The following LYST variants were observed in gnomAD, a reference collection of about 807,000 sequenced individuals.
LYST encodes the protein lysosomal trafficking regulator, also known as lysosomal-trafficking regulator.
Under a neutral mutation model 413.6 loss-of-function variants are expected in LYST, and 192 were observed. The observed-to-expected ratio is 0.46, with a 90% CI of 0.41 to 0.52. The LOEUF is 0.52. Ranked by LOEUF, LYST falls within the 20% of genes least tolerant of loss-of-function variation. The pLI is 0.00. For missense variants in LYST, 3,815 were observed against 4,499.9 expected, an observed-to-expected ratio of 0.85 and a Z score of 4.35; for synonymous variants, 1,525 against 1,567.3, an observed-to-expected ratio of 0.97 and a Z score of 0.64.
upstream of LYST, among the ~76,000 whole-genome samples, chr1:235,870,835 G>A (rs1054017994): frequency 2.6e-5 from 4 of 152,152 alleles, no homozygotes; most frequent in Admixed American, 1.3e-4. Flanking sequence ...AAATTTTGTT[G>A]AAAATTCAAA....
intron 44 of LYST, 142 bp from the exon 45 acceptor site, chr1:235,703,119 G>T (rs1661680369): frequency 3.0e-6 from 2 of 670,334 alleles, no homozygotes; most frequent in Admixed American, 2.3e-5. Flanking sequence ...AATCACTCAT[G>T]GTCTCACTGA....
intron 25 of LYST, 138 bp downstream of exon 25, chr1:235,755,340 G>C (rs1013327078): frequency 3.8e-6 from 3 of 796,846 alleles, no homozygotes; most frequent in Non-Finnish European, 6.3e-6. Context: ...AGTGAGCCGA[G>C]ATTGCACCAT....
At position 235,733,592 on chromosome 1, in the gene LYST, C is replaced by T. The variant is rs1411421644; in HGVS notation, c.8712G>A (p.Lys2904=). 1 of 1,613,746 alleles carries T rather than the reference C, an allele frequency of 6.2e-7. No homozygotes were observed. Among genetic ancestry groups the T allele is most frequent in the South Asian group, 1.1e-5 (1 of 91,072 alleles). The change falls in exon 34 of 53, where the codon AAG becomes AAA. Residue 2904 remains lysine (K), a synonymous_variant. Transcript: ENST00000389793. ...VSLSQGNERK[K]VIQHIRGMYK... ...ACATTCCTCTAATATGCTGGATCAC[C>T]TTTTTTCTCTCATTTCCTTGGGAGA... is the stretch of plus-strand genomic sequence containing the variant.
chr1:235,862,462 A>G (rs1679986091), intron 1 of LYST, among the ~76,000 whole-genome samples: 1 of 152,126 alleles, frequency 6.6e-6, no homozygotes, highest in Admixed American at 6.5e-5. Flanking sequence ...AGGATTCAGT[A>G]CTATCCACCA....
intron 1 of LYST, among the ~76,000 whole-genome samples, chr1:235,881,658 CAT>C (rs761007324): frequency 1.4e-4 from 22 of 151,926 alleles, no homozygotes; most frequent in African/African-American, 4.8e-4. Context: ...CACGTACATA[CAT>C]ATATATATGC....
chr1:235,859,437 A>C (rs1175588711), intron 1 of LYST, among the ~76,000 whole-genome samples: 1 of 152,068 alleles, frequency 6.6e-6, no homozygotes, highest in Non-Finnish European at 1.5e-5. Flanking sequence ...TATTTGAAAG[A>C]ATATATTTAC....
At chr1:235,741,754 A>T in intron 30 of LYST, 126 bp from the exon 31 acceptor site, 1 of 738,310 alleles carries the variant, frequency 1.4e-6, no homozygotes, top group Non-Finnish European at 2.4e-6. Context: ...AATAGTCAAA[A>T]TTAGAAAGAG....
chr1:235,734,039 TTAAAA>T (rs2103223020), intron 32 of LYST, 133 bp from the exon 33 acceptor site: 1 of 544,008 alleles, frequency 1.8e-6, no homozygotes, highest in East Asian at 3.1e-5. Context: ...GACCAGAATA[TTAAAA>T]TAAATGAACC....
chr1:235,859,035 C>T (rs1221662512), intron 1 of LYST, among the ~76,000 whole-genome samples: 1 of 152,176 alleles, frequency 6.6e-6, no homozygotes, highest in Non-Finnish European at 1.5e-5. Flanking sequence ...TTATTTTCCC[C>T]TCAAGCATAC....
intron 22 of LYST, 40 bp downstream of exon 22, chr1:235,762,680 T>C (rs777304610): frequency 1.7e-5 from 27 of 1,593,174 alleles, no homozygotes; most frequent in Non-Finnish European, 2.3e-5. Context: ...TATTCAGAAC[T>C]AAAATGAGAA....
chr1:235,722,661 T>A (rs1663487932), intron 39 of LYST, among the ~76,000 whole-genome samples: 1 of 152,180 alleles, frequency 6.6e-6, no homozygotes, highest in Non-Finnish European at 1.5e-5. Context: ...AATTTTTGTA[T>A]TTTTAGTAGA....
At chr1:235,769,601 A>G (rs77411322) in intron 20 of LYST, among the ~76,000 whole-genome samples, 6,069 of 152,144 alleles carry the variant, frequency 0.04, 417 homozygotes, top group African/African-American at 0.14. Context: ...GATATTTATC[A>G]ATGCCTTTTA....
chr1:235,671,796 G>C (rs1393780363), intron 50 of LYST, among the ~76,000 whole-genome samples: 1 of 152,192 alleles, frequency 6.6e-6, no homozygotes, highest in Admixed American at 6.5e-5. Flanking sequence ...ATGTAAATGG[G>C]AAGCAATTAG....
intron 20 of LYST, among the ~76,000 whole-genome samples, chr1:235,769,355 T>C (rs555556165): frequency 6.6e-6 from 1 of 152,050 alleles, no homozygotes. Flanking sequence ...GCTAGAATGG[T>C]AGCCAGATCA....
chr1:235,677,725 C>A, intron 48 of LYST, 106 bp from the exon 49 acceptor site: 1 of 829,608 alleles, frequency 1.2e-6, no homozygotes. Flanking sequence ...TCTTCTCAAA[C>A]ATATCATTCT....
chr1:235,793,973 C>T (rs1671301135), intron 10 of LYST, among the ~76,000 whole-genome samples: 1 of 152,090 alleles, frequency 6.6e-6, no homozygotes, highest in Non-Finnish European at 1.5e-5. Context: ...GCTGGGACTA[C>T]AGGCACGTGT....
At position 235,692,994 on chromosome 1, in the gene LYST, C is replaced by T. The variant is rs773412890; in HGVS notation, c.10701+356G>A. On this transcript the variant is annotated intron_variant, in intron 47 of 52. Coordinates refer to ENST00000389793, the MANE Select transcript of LYST (RefSeq NM_000081.4). ...TGAGAGTGTGCTTTTGCACTCCAGC[C>T]TGGGCAACAGAGCGACACTCTAAAA... Among the ~76,000 whole-genome samples, 20 of 149,236 alleles carry T rather than the reference C, an allele frequency of 1.3e-4. No individual in the cohort carries two copies. The Middle Eastern group carries it at 0.011, about 84-fold the overall frequency.
intron 44 of LYST, among the ~76,000 whole-genome samples, chr1:235,705,781 T>G (rs984772126): frequency 1.3e-5 from 2 of 151,902 alleles, no homozygotes; most frequent in Non-Finnish European, 2.9e-5. Context: ...ATGTTAAGAT[T>G]CCTAATTGCT....
intron 18 of LYST, 60 bp from the exon 19 acceptor site, chr1:235,774,051 C>G (rs1221239629): frequency 2.6e-6 from 3 of 1,137,720 alleles, no homozygotes; most frequent in Admixed American, 3.5e-5. Context: ...GGAAGTTCAA[C>G]AGAAACATTA....
Sources: gnomAD v4.1 joint callset for allele counts (sites outside exome capture counted in the v4.1 genomes callset) on GRCh38, gnomAD v4.1.1 for gene constraint, MANE v1.5 for transcripts, NCBI Gene and HGNC (gene_info 2026-07-23, HGNC 2026-07-21) for gene names.